Variants in CPE observed in about 807,000 individuals in gnomAD.
The protein encoded by CPE is carboxypeptidase E.
In CPE, 17 loss-of-function variants were observed where a neutral mutation model predicts 53.5. The ratio of observed to expected loss-of-function variants is 0.32; its 90% CI spans 0.22 to 0.48. The LOEUF (loss-of-function observed/expected upper bound fraction) is 0.48, where lower values mean the gene tolerates loss of function less well. Among genes scored for constraint, CPE ranks in the 20% least tolerant of loss-of-function variants. CPE has a pLI of 0.99. For missense variants in CPE, 524 were observed against 614.7 expected (o/e 0.85, Z 1.56); for synonymous variants, 226 against 228.8 (o/e 0.99, Z 0.11).
intron 7 of CPE, among the ~76,000 whole-genome samples, chr4:165,494,509 C>G (rs1732669110): frequency 6.6e-6 from 1 of 152,102 alleles, no homozygotes. Context: ...CTTTGAAGTG[C>G]TTCAAGAAGA....
rs1579245753 is a variant in CPE at position 165,404,416 on chromosome 4, A to G, written c.307+24888A>G. The G allele has an allele frequency of 9.2e-6, 7 of 764,126 alleles. No homozygotes were observed. In the East Asian group the frequency reaches 1.7e-4, roughly 19 times the overall value. 47.3% of individuals were successfully genotyped at this position (764,126 alleles called of 1,614,324 possible). ...AAATACCGTTCATGTCAGAATTCAA[A>G]TTCTTATTCTTCACACTCTCCTGAT... On this transcript the variant is annotated intron_variant, in intron 1 of 8. Transcript: ENST00000402744.
At chr4:165,386,223 T>C (rs753968459) in intron 1 of CPE, 1 of 521,464 alleles carries the variant, frequency 1.9e-6, no homozygotes, top group Non-Finnish European at 3.9e-6. Flanking sequence ...CATTATGGTA[T>C]TTCCCACTGT....
chr4:165,406,394 C>A (rs1730955111), intron 1 of CPE: 2 of 391,930 alleles, frequency 5.1e-6, no homozygotes, highest in Non-Finnish European at 1.0e-5. Flanking sequence ...TCTTTAATTT[C>A]ATTCTTATCT....
At chr4:165,403,063 G>A (rs919209543) in intron 1 of CPE, among the ~76,000 whole-genome samples, 18 of 152,108 alleles carry the variant, frequency 1.2e-4, no homozygotes, top group African/African-American at 4.3e-4. Context: ...TAAAATGCAG[G>A]CACACCAAAT....
chr4:165,407,260 G>A (rs1213208847), intron 1 of CPE, among the ~76,000 whole-genome samples: 1 of 152,136 alleles, frequency 6.6e-6, no homozygotes, highest in Non-Finnish European at 1.5e-5. Context: ...GTTTTTTGCT[G>A]TAGTTTTGAT....
chr4:165,442,147 A>G (rs1731626364), intron 1 of CPE, among the ~76,000 whole-genome samples: 1 of 150,540 alleles, frequency 6.6e-6, no homozygotes, highest in Non-Finnish European at 1.5e-5. Context: ...GGCTCAAGCA[A>G]TCCTCCCACC....
At chr4:165,469,015 A>C (rs1448211805) in intron 3 of CPE, among the ~76,000 whole-genome samples, 1 of 152,224 alleles carries the variant, frequency 6.6e-6, no homozygotes, top group African/African-American at 2.4e-5. Flanking sequence ...AAGTGATAAT[A>C]TCTACCTCAT....
At position 165,487,558 on chromosome 4, in the gene CPE, T is replaced by A. The variant is rs1389812418; in HGVS notation, c.1094T>A (p.Leu365His). The A allele has an allele frequency of 6.2e-7, 1 of 1,613,970 alleles. No individual in the cohort carries two copies. The highest frequency in any genetic ancestry group is 8.5e-7 in the Non-Finnish European group (1 of 1,179,990). The change falls in exon 6 of 9, where the codon CTC becomes CAC. Residue 365 changes from leucine (L) to histidine (H), a missense_variant. Coordinates refer to ENST00000402744, the MANE Select transcript of CPE (RefSeq NM_001873.4). ...TACTGGGAGGATAACAAAAACTCCC[T>A]CATTAGCTACCTTGAGCAGGTAAAC... ...KTYWEDNKNSLISYLEQIHRG... is the reference protein window; with the variant it reads ...KTYWEDNKNSHISYLEQIHRG...
intron 1 of CPE, among the ~76,000 whole-genome samples, chr4:165,424,857 G>C (rs911783822): frequency 6.8e-6 from 1 of 147,764 alleles, no homozygotes; most frequent in African/African-American, 2.5e-5. Context: ...TTGAGTTTCT[G>C]TAATGATTTA....
At chr4:165,415,276 T>A (rs1212563805) in intron 1 of CPE, 1 of 167,034 alleles carries the variant, frequency 6.0e-6, no homozygotes, top group Non-Finnish European at 1.5e-5. Context: ...ATTTGTAGGA[T>A]CTACTGTTAT....
chr4:165,404,876 A>C, intron 1 of CPE: 2 of 763,076 alleles, frequency 2.6e-6, no homozygotes, highest in Non-Finnish European at 4.9e-6. Flanking sequence ...CCTGCCAATC[A>C]CCTTCTCAGG....
intron 3 of CPE, among the ~76,000 whole-genome samples, chr4:165,472,401 T>A (rs941595357): frequency 6.6e-6 from 1 of 151,770 alleles, no homozygotes; most frequent in Non-Finnish European, 1.5e-5. Context: ...GCAGCCACAG[T>A]CAAAGACACA....
At chr4:165,473,754 G>A (rs1414156889) in intron 3 of CPE, among the ~76,000 whole-genome samples, 4 of 102,024 alleles carry the variant, frequency 3.9e-5, no homozygotes, top group Non-Finnish European at 8.3e-5. Context: ...CCCATTATGT[G>A]GCAGAATTTG....
chr4:165,477,573 C>T (rs1198243067), intron 3 of CPE, among the ~76,000 whole-genome samples: 1 of 152,156 alleles, frequency 6.6e-6, no homozygotes, highest in African/African-American at 2.4e-5. Context: ...ATACATTCCT[C>T]TTCCCTCTTC....
chr4:165,487,897 C>T (rs967049761), intron 6 of CPE, among the ~76,000 whole-genome samples: 29 of 151,962 alleles, frequency 1.9e-4, no homozygotes, highest in African/African-American at 7.0e-4. Flanking sequence ...CCAGGCAGAG[C>T]CAGAACAAAA....
chr4:165,396,317 G>C (rs1018809358), intron 1 of CPE, among the ~76,000 whole-genome samples: 3 of 152,142 alleles, frequency 2.0e-5, no homozygotes. Flanking sequence ...TTGACTTTGA[G>C]ATAGATCTAA....
intron 1 of CPE, among the ~76,000 whole-genome samples, chr4:165,455,802 G>C (rs541046832): frequency 5.1e-4 from 77 of 152,082 alleles, no homozygotes; most frequent in African/African-American, 1.8e-3. Context: ...ACAGGCGCCC[G>C]CCACCACATC....
At chr4:165,476,846 G>A (rs145592579) in intron 3 of CPE, among the ~76,000 whole-genome samples, 90 of 152,300 alleles carry the variant, frequency 5.9e-4, no homozygotes, top group African/African-American at 2.1e-3. Context: ...ACACGTCACT[G>A]TCTCAGCCTG....
In CPE at chr4:165,379,572, G is replaced by A; in HGVS notation, c.307+44G>A. Reference sequence around the variant, plus strand: ...GACAGCCCTGGGGGCATCCCGGAGGGGGGCGGCAGAGGGTGGGACTGGTGG... The same window carrying A: ...GACAGCCCTGGGGGCATCCCGGAGGAGGGCGGCAGAGGGTGGGACTGGTGG... On this transcript the variant is annotated intron_variant, in intron 1 of 8. Coordinates refer to ENST00000402744, the MANE Select transcript of CPE (RefSeq NM_001873.4). The surrounding 1 kb of genome is among the most constrained non-coding windows in gnomAD (Gnocchi z 6.0). The A allele has an allele frequency of 6.9e-7, 1 of 1,450,500 alleles. No individual in the cohort carries two copies. The highest frequency in any genetic ancestry group is 9.2e-7 in the Non-Finnish European group (1 of 1,088,688). 89.9% of individuals were successfully genotyped at this position (1,450,500 alleles called of 1,614,324 possible).
Sources: allele counts gnomAD v4.1 joint callset (sites outside exome capture counted in the v4.1 genomes callset), GRCh38; gene constraint gnomAD v4.1.1; non-coding constraint Gnocchi (gnomAD v3.1); transcripts MANE v1.5; gene names NCBI Gene and HGNC (gene_info 2026-07-23, HGNC 2026-07-21).